LOXHD1: variants seen among roughly 807,000 people sequenced by gnomAD.
LOXHD1 encodes the protein lipoxygenase homology domain-containing protein 1.
In LOXHD1, 205 loss-of-function variants were observed where a neutral mutation model predicts 248.2. The observed-to-expected ratio is 0.83, with a 90% CI of 0.74 to 0.93. The LOEUF (loss-of-function observed/expected upper bound fraction) is 0.93, where lower values mean the gene tolerates loss of function less well. Among genes scored for constraint, LOXHD1 ranks in the 40% least tolerant of loss-of-function variants. The pLI, the probability that LOXHD1 is intolerant of heterozygous loss-of-function variation, is 0.00. For synonymous variants in LOXHD1, 1,113 were observed against 1,162.8 expected (o/e 0.96, Z 0.87); for missense variants, 2,930 against 2,971.6 (o/e 0.99, Z 0.33).
intron 7 of LOXHD1, among the ~76,000 whole-genome samples, chr18:46,603,717 G>T (rs1367575545): frequency 1.3e-5 from 2 of 152,214 alleles, no homozygotes; most frequent in Non-Finnish European, 2.9e-5. Flanking sequence ...TAGGGTGGTT[G>T]TGAGGACTGA....
intron 22 of LOXHD1, among the ~76,000 whole-genome samples, 188 bp downstream of exon 22, chr18:46,546,707 A>G (rs532645102): frequency 3.2e-4 from 49 of 152,196 alleles, no homozygotes; most frequent in Non-Finnish European, 4.1e-4. Flanking sequence ...CTTACACTAG[A>G]TATGTGAGAC....
At position 46,545,353 on chromosome 18, in the gene LOXHD1, C is replaced by T; in HGVS notation, c.3583G>A (p.Val1195Ile). Residue 1195 changes from valine to isoleucine, a missense_variant, in exon 23 of 41, where the codon GTC becomes ATC. Coordinates refer to ENST00000642948, the MANE Select transcript of LOXHD1 (RefSeq NM_001384474.1). ...VKKNAGTDAN[V>I]FITLFGTQDD... ...TGTGTGCCAAAGAGTGTGATGAAGA[C>T]ATTAGCATCTGTGCCCGCATTCTTC... 1 of 1,551,926 alleles carries T rather than the reference C, an allele frequency of 6.4e-7. No individual in the cohort carries two copies.
At position 46,483,724 on chromosome 18, in the gene LOXHD1, C is replaced by T. The variant is rs1169973785; in HGVS notation, c.6204G>A (p.Glu2068=). The change falls in exon 40 of 41, where the codon GAG becomes GAA. Residue 2068 remains glutamate, a synonymous_variant. Transcript: ENST00000642948. The part of the protein sequence containing the change: ...AFRKGTTDTF[E]FDSIYLGDIA... The stretch of plus-strand genomic sequence containing the variant: ...TGTCCCCCAAGTAGATGCTGTCAAA[C>T]TCAAACGTGTCTGTGGTCCCCCTGC... 4 of 1,551,180 alleles carry T rather than the reference C, an allele frequency of 2.6e-6. No homozygotes were observed. Among genetic ancestry groups the T allele is most frequent in the South Asian group, 1.2e-5 (1 of 83,968 alleles).
At position 46,604,229 on chromosome 18, in the gene LOXHD1, T is replaced by C. The variant is rs1403346959; in HGVS notation, c.760A>G (p.Ile254Val). 19 of 1,551,556 alleles carry C rather than the reference T, an allele frequency of 1.2e-5. No individual in the cohort carries two copies. The highest frequency in any genetic ancestry group is 1.6e-5 in the Non-Finnish European group (18 of 1,146,964). ...GGSAGWFLSQ[I>V]VIEDIGNKRK... ...TTGTTCCCAATATCTTCAATGACTATCTGGGAAGGAGAAGAGGGGACAAGG... is the reference window on the plus strand; with the variant it reads ...TTGTTCCCAATATCTTCAATGACTACCTGGGAAGGAGAAGAGGGGACAAGG... Residue 254 changes from isoleucine (I) to valine (V), a missense_variant and splice_region_variant, in exon 7 of 41, where the codon ATA (isoleucine) becomes GTA (valine). Physicochemically the swap from Ile to Val is conservative, Grantham distance 29 (BLOSUM62 3). Coordinates refer to ENST00000642948, the MANE Select transcript of LOXHD1 (RefSeq NM_001384474.1).
At chr18:46,595,720 T>C (rs528216410) in intron 8 of LOXHD1, among the ~76,000 whole-genome samples, 4 of 152,270 alleles carry the variant, frequency 2.6e-5, no homozygotes, top group East Asian at 3.9e-4. Flanking sequence ...GACCTATACA[T>C]AGGCAAAGTT....
At chr18:46,484,979 A>AC in intron 39 of LOXHD1, 40 bp downstream of exon 39, 2 of 1,436,200 alleles carry the variant, frequency 1.4e-6, no homozygotes, top group Non-Finnish European at 1.9e-6. Flanking sequence ...TCCCTTACCT[A>AC]CCCACCCCCC....
chr18:46,625,017 A>G (rs939368444), intron 4 of LOXHD1, among the ~76,000 whole-genome samples: 2 of 152,056 alleles, frequency 1.3e-5, no homozygotes, highest in Admixed American at 1.3e-4. Flanking sequence ...TATGGCTACT[A>G]GTGTCACCAT....
chr18:46,580,958 G>C (rs778865389), intron 12 of LOXHD1, among the ~76,000 whole-genome samples: 1 of 152,210 alleles, frequency 6.6e-6, no homozygotes, highest in Non-Finnish European at 1.5e-5. Flanking sequence ...AGGTGGACAG[G>C]AGCTGGATAC....
At chr18:46,527,045 G>A (rs1192126771) in intron 29 of LOXHD1, among the ~76,000 whole-genome samples, 2 of 152,048 alleles carry the variant, frequency 1.3e-5, no homozygotes, top group East Asian at 3.9e-4. Context: ...CCCCTGATGG[G>A]GCGTCAAAAC....
intron 37 of LOXHD1, among the ~76,000 whole-genome samples, chr18:46,496,118 G>GA: frequency 6.6e-6 from 1 of 152,226 alleles, no homozygotes; most frequent in East Asian, 1.9e-4. Flanking sequence ...CAACCAAAAA[G>GA]AAAAAATTTT....
chr18:46,637,935 A>G (rs1480424991), intron 4 of LOXHD1, among the ~76,000 whole-genome samples: 1 of 152,246 alleles, frequency 6.6e-6, no homozygotes, highest in Non-Finnish European at 1.5e-5. Context: ...AAACCTGTGC[A>G]AAGATTTAGG....
At chr18:46,520,904 C>G (rs577799317) in intron 33 of LOXHD1, among the ~76,000 whole-genome samples, 193 bp downstream of exon 33, 1 of 152,194 alleles carries the variant, frequency 6.6e-6, no homozygotes, top group African/African-American at 2.4e-5. Context: ...CAAGGTCACA[C>G]GGCAGCAGAC....
chr18:46,560,403 G>A lies in LOXHD1; in HGVS notation c.2741C>T (p.Ala914Val). 6.5e-7 allele frequency: 1 copy of A among 1,550,296 alleles called. No homozygotes were observed. Among genetic ancestry groups the A allele is most frequent in the South Asian group, 1.2e-5 (1 of 84,102 alleles). Residue 914 changes from alanine to valine, a missense_variant, in exon 19 of 41, where the codon GCC (alanine) becomes GTC (valine). Transcript: ENST00000642948. ...CTTGTCCTTCTCCTTCTTCTTCCGG[G>A]CCTCCTCCTCCGGCGTGAGGTCCAC... ...REVDLTPEEE[A>V]RKKKEKDKLR... is the part of the protein sequence containing the mutation.
chr18:46,613,514 T>G (rs2144317732), intron 5 of LOXHD1, among the ~76,000 whole-genome samples: 1 of 152,256 alleles, frequency 6.6e-6, no homozygotes, highest in South Asian at 2.1e-4. Context: ...GAAAGTCTGT[T>G]ATTTCATTTT....
At chr18:46,508,506 C>A (rs1568112687) in intron 35 of LOXHD1, among the ~76,000 whole-genome samples, 1 of 152,128 alleles carries the variant, frequency 6.6e-6, no homozygotes, top group African/African-American at 2.4e-5. Flanking sequence ...TTCTCTAGAG[C>A]CTTCAGAGGG....
At position 46,495,870 on chromosome 18, in the gene LOXHD1, A is replaced by G. The variant is rs1372624613; in HGVS notation, c.5879-6728T>C. 2.0e-5 allele frequency among the ~76,000 whole-genome samples: 3 copies of G among 152,162 alleles called. No homozygotes were observed. In the East Asian group the frequency reaches 5.8e-4, roughly 29 times the overall value. On this transcript the variant is annotated intron_variant, in intron 37 of 40. Coordinates refer to ENST00000642948, the MANE Select transcript of LOXHD1 (RefSeq NM_001384474.1). ...AACATGGTGAAACCCTGTCTCTACT[A>G]AAAATACAAAAATTAGCCAGGTGTG...
intron 21 of LOXHD1, among the ~76,000 whole-genome samples, chr18:46,554,514 CA>C (rs2037240041): frequency 2.0e-5 from 3 of 152,180 alleles, no homozygotes; most frequent in Admixed American, 2.0e-4. Context: ...CTAGCTCCCA[CA>C]GTAGGCTTTG....
At chr18:46,526,430 G>A (rs1266688718) in intron 29 of LOXHD1, among the ~76,000 whole-genome samples, 1 of 152,242 alleles carries the variant, frequency 6.6e-6, no homozygotes, top group East Asian at 1.9e-4. Context: ...TGTTTATATA[G>A]CATGATGCCT....
chr18:46,627,958 C>T (rs576860251), intron 4 of LOXHD1, among the ~76,000 whole-genome samples: 2 of 152,192 alleles, frequency 1.3e-5, no homozygotes, highest in East Asian at 1.9e-4. Flanking sequence ...GAGAGAAGGG[C>T]CTGTATGTAA....
Sources: allele counts gnomAD v4.1 joint callset (sites outside exome capture counted in the v4.1 genomes callset), GRCh38; gene constraint gnomAD v4.1.1; transcripts MANE v1.5; gene names NCBI Gene and HGNC (gene_info 2026-07-23, HGNC 2026-07-21).